NALCN: variants seen among roughly 807,000 people sequenced by gnomAD.
NALCN encodes sodium leak channel, non-selective.
NALCN carries 111 observed loss-of-function variants against 225.3 expected under a neutral mutation model. That is an observed-to-expected ratio of 0.49 (90% CI 0.42 to 0.58). The LOEUF is 0.58. NALCN is among the 20% of genes least tolerant of loss of function. The pLI, the probability that NALCN is intolerant of heterozygous loss-of-function variation, is 0.00. For missense variants in NALCN, 1,378 were observed against 2,202.4 expected (o/e 0.63, Z 7.49); for synonymous variants, 764 against 769.0 (o/e 0.99, Z 0.11).
At chr13:101,373,484 T>C in intron 6 of NALCN, among the ~76,000 whole-genome samples, 1 of 152,274 alleles carries the variant, frequency 6.6e-6, no homozygotes, top group East Asian at 1.9e-4. Flanking sequence ...ATACCAGAAA[T>C]GCAAGATTGG....
Position 101,192,067 on chromosome 13 carries a change from G to C in NALCN, c.1627-13C>G, listed in dbSNP as rs745796944. ...TGGACATAAATGCCTAAGAGGAAAAGAACAAAGGTATTACACACTAGCTTT... is the reference window on the plus strand; with the variant it reads ...TGGACATAAATGCCTAAGAGGAAAACAACAAAGGTATTACACACTAGCTTT... On this transcript the variant is annotated splice_polypyrimidine_tract_variant and intron_variant, in intron 13 of 43. Transcript: ENST00000251127. 4.4e-6 allele frequency: 7 copies of C among 1,590,732 alleles called. No individual in the cohort carries two copies. Among genetic ancestry groups the C allele is most frequent in the Non-Finnish European group, 6.0e-6 (7 of 1,173,826 alleles).
At chr13:101,230,790 C>G (rs1158217038) in intron 12 of NALCN, among the ~76,000 whole-genome samples, 1 of 151,964 alleles carries the variant, frequency 6.6e-6, no homozygotes, top group Non-Finnish European at 1.5e-5. Context: ...ATTTTTGGAT[C>G]TTTGTTATAT....
chr13:101,258,343 G>A (rs936562315), intron 11 of NALCN, 100 bp downstream of exon 11: 2 of 1,485,226 alleles, frequency 1.3e-6, no homozygotes, highest in Admixed American at 4.0e-5. Context: ...TGAAAGTCAA[G>A]TAATGAACAG....
chr13:101,360,231 C>CTCTCT (rs2046213644), intron 6 of NALCN, among the ~76,000 whole-genome samples: 10 of 73,220 alleles, frequency 1.4e-4, no homozygotes, highest in African/African-American at 3.5e-4. Context: ...TCTCTCTCTC[C>CTCTCT]TTCCTTCCTT....
intron 4 of NALCN, among the ~76,000 whole-genome samples, chr13:101,377,567 A>C (rs1256113117): frequency 1.3e-5 from 2 of 152,204 alleles, no homozygotes; most frequent in Non-Finnish European, 2.9e-5. Context: ...TGATTAAAAA[A>C]ATATATGAGT....
At chr13:101,311,629 T>C (rs1229312953) in intron 7 of NALCN, among the ~76,000 whole-genome samples, 2 of 152,184 alleles carry the variant, frequency 1.3e-5, no homozygotes, top group Non-Finnish European at 2.9e-5. Flanking sequence ...ATGTGGTTTT[T>C]GTCTTTGGTT....
At chr13:101,149,790 C>A (rs1384601348) in intron 15 of NALCN, among the ~76,000 whole-genome samples, 1 of 152,192 alleles carries the variant, frequency 6.6e-6, no homozygotes, top group Non-Finnish European at 1.5e-5. Context: ...CTCCTAAAAG[C>A]AAGGACTTGT....
intron 10 of NALCN, among the ~76,000 whole-genome samples, chr13:101,275,312 G>A (rs988903156): frequency 2.0e-5 from 3 of 152,196 alleles, no homozygotes; most frequent in African/African-American, 7.2e-5. Flanking sequence ...TGAGAAAACA[G>A]AGGCAGGCTC....
At chr13:101,181,583 A>C (rs56317996) in intron 14 of NALCN, among the ~76,000 whole-genome samples, 66 of 149,988 alleles carry the variant, frequency 4.4e-4, no homozygotes, top group Admixed American at 5.3e-4. Context: ...AAAAAAAAAA[A>C]CAAAAATTAG....
chr13:101,175,916 C>T (rs2038939628), intron 15 of NALCN, among the ~76,000 whole-genome samples: 1 of 152,126 alleles, frequency 6.6e-6, no homozygotes, highest in Admixed American at 6.5e-5. Flanking sequence ...AGAGACCAGG[C>T]AGGTTGATTG....
chr13:101,075,412 G>A (rs1003480027), intron 35 of NALCN, among the ~76,000 whole-genome samples: 10 of 134,092 alleles, frequency 7.5e-5, no homozygotes, highest in African/African-American at 2.6e-4. Context: ...CCGAGATCCT[G>A]CCACTGCACT....
chr13:101,387,686 A>G (rs1412964109), intron 3 of NALCN, among the ~76,000 whole-genome samples: 3 of 152,220 alleles, frequency 2.0e-5, no homozygotes, highest in Admixed American at 2.0e-4. Context: ...AGTGCTTAAC[A>G]AAAGTTTTAA....
chr13:101,145,300 A>T (rs2037294191), intron 15 of NALCN, among the ~76,000 whole-genome samples: 1 of 152,238 alleles, frequency 6.6e-6, no homozygotes, highest in African/African-American at 2.4e-5. Flanking sequence ...AAAATTTAAA[A>T]AAAATTAACT....
chr13:101,383,010 A>G lies in NALCN; in HGVS notation c.292-4357T>C, dbSNP rs115434197. Among the ~76,000 whole-genome samples the G allele has an allele frequency of 4.5e-3, 685 of 152,314 alleles. 5 individuals are homozygous for G. The highest frequency in any genetic ancestry group is 0.016 in the African/African-American group (651 of 41,592). On this transcript the variant is annotated intron_variant, in intron 3 of 43. Coordinates refer to ENST00000251127, the MANE Select transcript of NALCN (RefSeq NM_052867.4). ...CAAGAGTCATTCAATATTCATAAAC[A>G]TCTTTTATAAGCAGAGTTATGACCC...
At chr13:101,138,193 C>T (rs963527001) in intron 17 of NALCN, among the ~76,000 whole-genome samples, 7 of 152,200 alleles carry the variant, frequency 4.6e-5, no homozygotes, top group Non-Finnish European at 8.8e-5. Flanking sequence ...CTAAAGGGTA[C>T]AGTTCGCATC....
At chr13:101,386,415 T>A in intron 3 of NALCN, among the ~76,000 whole-genome samples, 1 of 152,172 alleles carries the variant, frequency 6.6e-6, no homozygotes, top group African/African-American at 2.4e-5. Context: ...TGCTTGGTTT[T>A]GTCTGTTTCC....
chr13:101,302,387 T>C (rs1048977730), intron 7 of NALCN, among the ~76,000 whole-genome samples: 2 of 152,076 alleles, frequency 1.3e-5, no homozygotes, highest in Admixed American at 6.6e-5. Context: ...CAACCAAGAT[T>C]GGAAATAAAT....
intron 39 of NALCN, among the ~76,000 whole-genome samples, chr13:101,067,298 AGAGGAGGGGGAAGAG>A (rs1287744398): frequency 2.7e-5 from 1 of 37,658 alleles, no homozygotes; most frequent in Non-Finnish European, 4.5e-5. Flanking sequence ...AGGAGGGGGA[AGAGGAGGGGGAAGAG>A]GAGGGGGAAG....
chr13:101,340,967 TTCTCA>T (rs145436058), intron 7 of NALCN, among the ~76,000 whole-genome samples: 3,072 of 152,236 alleles, frequency 0.02, 109 homozygotes, highest in African/African-American at 0.07. Context: ...TTATCATGCA[TTCTCA>T]TCTCATGACA....
Sources: allele counts gnomAD v4.1 joint callset (sites outside exome capture counted in the v4.1 genomes callset), GRCh38; gene constraint gnomAD v4.1.1; transcripts MANE v1.5; gene names NCBI Gene and HGNC (gene_info 2026-07-23, HGNC 2026-07-21).